MED13L: variants seen among roughly 807,000 people sequenced by gnomAD.
MED13L encodes mediator complex subunit 13L.
In MED13L, 7 loss-of-function variants were observed where a neutral mutation model predicts 220.9. That is an observed-to-expected ratio of 0.03 (90% CI 0.02 to 0.06). The LOEUF (loss-of-function observed/expected upper bound fraction) is 0.06, where lower values mean the gene tolerates loss of function less well. Ranked by LOEUF, MED13L falls within the 10% of genes least tolerant of loss-of-function variation. The probability of loss-of-function intolerance (pLI) is 1.00; values close to 1 mark genes in which losing one functional copy is unlikely to be tolerated. For missense variants in MED13L, 1,965 were observed against 2,760.5 expected, an observed-to-expected ratio of 0.71 and a Z score of 6.46; for synonymous variants, 1,011 against 1,015.2, an observed-to-expected ratio of 1.00 and a Z score of 0.08.
At chr12:116,172,796 A>G (rs181490658) in intron 2 of MED13L, among the ~76,000 whole-genome samples, 2 of 152,250 alleles carry the variant, frequency 1.3e-5, no homozygotes, top group East Asian at 3.9e-4. Context: ...ATATGAAAAT[A>G]ACCTCATAAC....
At chr12:116,065,375 T>A (rs2137656298) in intron 4 of MED13L, among the ~76,000 whole-genome samples, 1 of 152,278 alleles carries the variant, frequency 6.6e-6, no homozygotes, top group Non-Finnish European at 1.5e-5. Context: ...ATGCTGAGTA[T>A]AATAAATAGA....
In MED13L at chr12:115,982,368, A is replaced by G; in HGVS notation, c.5175+16T>C. The G allele has an allele frequency of 2.5e-6, 4 of 1,588,440 alleles. No homozygotes were observed. The South Asian group carries it at 4.4e-5, about 18-fold the overall frequency. ...TAACAACATCAAAAGTAAATAATAA[A>G]CTTGCAAACAGTAACCTGGAGAATG... On this transcript the variant is annotated intron_variant, in intron 22 of 30. Coordinates refer to ENST00000281928, the MANE Select transcript of MED13L (RefSeq NM_015335.5).
intron 4 of MED13L, among the ~76,000 whole-genome samples, chr12:116,029,204 G>A (rs1481618522): frequency 6.7e-6 from 1 of 149,782 alleles, no homozygotes; most frequent in Non-Finnish European, 1.5e-5. Flanking sequence ...TGGGAGTTGG[G>A]GTCTATTCTA....
At chr12:116,268,799 G>A (rs1873028348) in intron 1 of MED13L, among the ~76,000 whole-genome samples, 1 of 152,122 alleles carries the variant, frequency 6.6e-6, no homozygotes, top group South Asian at 2.1e-4. Context: ...TTTGAAACAA[G>A]TCTGTCACTC....
At chr12:116,121,512 A>G (rs767005050) in intron 2 of MED13L, among the ~76,000 whole-genome samples, 6 of 151,132 alleles carry the variant, frequency 4.0e-5, no homozygotes, top group African/African-American at 9.7e-5. Flanking sequence ...CTTGAAGGGG[A>G]AAAAAAAATG....
intron 16 of MED13L, among the ~76,000 whole-genome samples, chr12:115,992,399 A>AT (rs11407294): frequency 0.19 from 29,030 of 150,364 alleles, 3,117 homozygotes; most frequent in Middle Eastern, 0.25. Flanking sequence ...CATTTTTGTC[A>AT]TTTTTTTTTT....
In MED13L at chr12:115,970,713, G is replaced by C. The variant is rs1876522632; in HGVS notation, c.5948C>G (p.Ser1983Cys). The change falls in exon 27 of 31, where the codon TCT becomes TGT. Residue 1983 changes from serine (S) to cysteine (C), a missense_variant. By Grantham distance (112) the Ser-to-Cys change is moderately radical. Coordinates refer to ENST00000281928, the MANE Select transcript of MED13L (RefSeq NM_015335.5). ...AGCATCTTGAGGGGTGTTGAGCTGA[G>C]ATGACTGCATGTTCAGTGCAGTACT... is the stretch of plus-strand genomic sequence containing the variant. Reference protein sequence around the residue: ...GRSTALNMQSSQLNTPQDASC... With the variant: ...GRSTALNMQSCQLNTPQDASC... The C allele has an allele frequency of 6.2e-7, 1 of 1,613,994 alleles. No individual in the cohort carries two copies. Among genetic ancestry groups the C allele is most frequent in the African/African-American group, 1.3e-5 (1 of 74,926 alleles).
At chr12:116,028,773 C>T (rs563228556) in intron 4 of MED13L, among the ~76,000 whole-genome samples, 124 of 152,268 alleles carry the variant, frequency 8.1e-4, no homozygotes, top group Middle Eastern at 3.4e-3. Context: ...GACAAGTATT[C>T]CACGCCTTCT....
intron 2 of MED13L, among the ~76,000 whole-genome samples, chr12:116,137,262 A>G (rs910059575): frequency 2.0e-5 from 3 of 152,206 alleles, no homozygotes; most frequent in Non-Finnish European, 2.9e-5. Context: ...GTGGTATGAT[A>G]AAGATGAGGA....
chr12:116,103,022 A>G (rs184467757), intron 3 of MED13L, among the ~76,000 whole-genome samples: 1 of 151,892 alleles, frequency 6.6e-6, no homozygotes, highest in Non-Finnish European at 1.5e-5. Flanking sequence ...GGCGATCCCT[A>G]TATTTTCATT....
At chr12:116,024,561 C>T (rs1193440573) in intron 4 of MED13L, among the ~76,000 whole-genome samples, 2 of 152,056 alleles carry the variant, frequency 1.3e-5, no homozygotes, top group Admixed American at 1.3e-4. Context: ...CAAATATTTT[C>T]TCCTATTCTG....
chr12:116,075,674 T>C (rs1486876328), intron 4 of MED13L, among the ~76,000 whole-genome samples: 1 of 152,182 alleles, frequency 6.6e-6, no homozygotes. Context: ...TTTCAATTTG[T>C]CTTTGAGTAC....
chr12:116,009,213 C>T, intron 9 of MED13L, 81 bp from the exon 10 acceptor site: 2 of 1,418,742 alleles, frequency 1.4e-6, no homozygotes, highest in Non-Finnish European at 2.0e-6. Flanking sequence ...TTAAAGCATA[C>T]ATTAGATGTA....
intron 2 of MED13L, among the ~76,000 whole-genome samples, chr12:116,162,516 T>C (rs1878965261): frequency 6.6e-6 from 1 of 152,222 alleles, no homozygotes; most frequent in Non-Finnish European, 1.5e-5. Context: ...ATAAACTCCA[T>C]CCATGGATTT....
Position 116,015,337 on chromosome 12 carries a change from G to T in MED13L, c.1010-63C>A, listed in dbSNP as rs148912140. On this transcript the variant is annotated intron_variant, in intron 7 of 30. Coordinates refer to ENST00000281928, the MANE Select transcript of MED13L (RefSeq NM_015335.5). ...GAAAAGGTTTCCTACTTCATAGACTGCTATCTTATTAACATAAATATGCAT... is the reference window on the plus strand; with the variant it reads ...GAAAAGGTTTCCTACTTCATAGACTTCTATCTTATTAACATAAATATGCAT... 643 of 1,520,374 alleles carry T rather than the reference G, an allele frequency of 4.2e-4. 2 individuals are homozygous for T. The African/African-American group carries it at 7.8e-3, about 18-fold the overall frequency. The allele number at this position is 1,520,374 out of a possible 1,614,324, so 94.2% of individuals were successfully genotyped here.
intron 2 of MED13L, among the ~76,000 whole-genome samples, chr12:116,113,501 T>C (rs1216839050): frequency 6.7e-6 from 1 of 148,292 alleles, no homozygotes; most frequent in Non-Finnish European, 1.5e-5. Context: ...TATATATATA[T>C]AAAATTAGCC....
In MED13L at chr12:116,006,394, A is replaced by C; in HGVS notation, c.2256T>G (p.Gly752=). The C allele has an allele frequency of 6.2e-7, 1 of 1,613,922 alleles. No homozygotes were observed. Among genetic ancestry groups the C allele is most frequent in the Non-Finnish European group, 8.5e-7 (1 of 1,179,838 alleles). Residue 752 remains glycine (G), a synonymous_variant, in exon 12 of 31, where the codon GGT becomes GGG. Transcript: ENST00000281928. ...GACCTGGTGTAGTGACATCCTTGGTACCAAATCCATCCTCTGACTGTATAA... is the reference window on the plus strand; with the variant it reads ...GACCTGGTGTAGTGACATCCTTGGTCCCAAATCCATCCTCTGACTGTATAA... ...LKKNKSEDGF[G]TKDVTTPGHS...
intron 1 of MED13L, among the ~76,000 whole-genome samples, chr12:116,268,900 G>T (rs1260721150): frequency 6.6e-6 from 1 of 152,120 alleles, no homozygotes; most frequent in African/African-American, 2.4e-5. Context: ...ATCTAATGAA[G>T]ACTTAAATAT....
At chr12:116,251,416 T>C (rs1373740239) in intron 1 of MED13L, among the ~76,000 whole-genome samples, 3 of 139,132 alleles carry the variant, frequency 2.2e-5, no homozygotes, top group African/African-American at 7.9e-5. Flanking sequence ...CGCCTCGGTC[T>C]CCCAAAGTGC....
Sources: gnomAD v4.1 joint callset for allele counts (sites outside exome capture counted in the v4.1 genomes callset) on GRCh38, gnomAD v4.1.1 for gene constraint, MANE v1.5 for transcripts, NCBI Gene and HGNC (gene_info 2026-07-23, HGNC 2026-07-21) for gene names.